The following PDE4D variants were observed in gnomAD, a reference collection of about 807,000 sequenced individuals.
PDE4D encodes the protein 3',5'-cyclic-AMP phosphodiesterase 4D.
In PDE4D, 24 loss-of-function variants were observed where a neutral mutation model predicts 87.4. That is an observed-to-expected ratio of 0.27 (90% confidence interval 0.20 to 0.39). The LOEUF (loss-of-function observed/expected upper bound fraction) is 0.39. Among genes scored for constraint, PDE4D ranks in the 10% least tolerant of loss-of-function variants. The probability of loss-of-function intolerance (pLI) is 1.00; values close to 1 mark genes in which losing one functional copy is unlikely to be tolerated. For missense variants in PDE4D, 714 were observed against 1,041.0 expected, an observed-to-expected ratio of 0.69 and a Z score of 4.32; for synonymous variants, 384 against 383.2, an observed-to-expected ratio of 1.00 and a Z score of -0.02.
intron 12 of PDE4D, 127 bp from the exon 13 acceptor site, chr5:58,976,599 T>A (rs1743858682): frequency 1.4e-6 from 1 of 736,086 alleles, no homozygotes; most frequent in East Asian, 2.7e-5. Context: ...TGGAAAATCC[T>A]TACTACTCCT....
At chr5:60,383,465 A>C (rs901267401) in intron 1 of PDE4D, among the ~76,000 whole-genome samples, 3 of 152,206 alleles carry the variant, frequency 2.0e-5, no homozygotes, top group African/African-American at 7.2e-5. Flanking sequence ...GGGAAAACAC[A>C]CTACAGCTAA....
At chr5:59,762,672 G>GTGTATATGTGTATATAGGTGCATATA (rs1762262330) in intron 1 of PDE4D, among the ~76,000 whole-genome samples, 1 of 148,112 alleles carries the variant, frequency 6.8e-6, no homozygotes, top group Admixed American at 6.8e-5. Flanking sequence ...AGGTACGTAT[G>GTGTATATGTGTATATAGGTGCATATA]TGTATATGTG....
chr5:59,104,320 G>A (rs968790572), intron 5 of PDE4D, among the ~76,000 whole-genome samples: 1 of 152,146 alleles, frequency 6.6e-6, no homozygotes, highest in Non-Finnish European at 1.5e-5. Flanking sequence ...AAAATCCAAG[G>A]CTAGAAAAGT....
chr5:60,134,083 T>C (rs1779822620), intron 2 of PDE4D, among the ~76,000 whole-genome samples: 1 of 152,366 alleles, frequency 6.6e-6, no homozygotes, highest in Non-Finnish European at 1.5e-5. Flanking sequence ...ATCTTATGAT[T>C]TAATACATTA....
intron 1 of PDE4D, among the ~76,000 whole-genome samples, chr5:59,429,740 G>A (rs995850842): frequency 3.9e-5 from 6 of 152,156 alleles, no homozygotes; most frequent in African/African-American, 1.4e-4. Flanking sequence ...CTATATCATC[G>A]CTATTCTGAT....
chr5:59,768,732 G>A (rs971044654), intron 1 of PDE4D: 1 of 1,105,002 alleles, frequency 9.0e-7, no homozygotes, highest in East Asian at 2.7e-5. Flanking sequence ...CCAAGCCCCT[G>A]CCAAAGATCA....
At chr5:59,247,883 T>C (rs965723010) in intron 1 of PDE4D, among the ~76,000 whole-genome samples, 1 of 151,724 alleles carries the variant, frequency 6.6e-6, no homozygotes, top group African/African-American at 2.4e-5. Flanking sequence ...TGTGCTTATC[T>C]TCCGTCCCTG....
At chr5:60,104,778 T>A (rs996350005) in intron 2 of PDE4D, among the ~76,000 whole-genome samples, 3 of 152,018 alleles carry the variant, frequency 2.0e-5, no homozygotes, top group Admixed American at 1.3e-4. Context: ...TCTAGCAAAC[T>A]CCAACAGACC....
chr5:60,456,362 G>A lies in PDE4D; in HGVS notation c.-90+31580C>T, dbSNP rs186183642. Among the ~76,000 whole-genome samples, 508 of 152,342 alleles carry A rather than the reference G, an allele frequency of 3.3e-3. 2 individuals are homozygous for A. The highest frequency in any genetic ancestry group is 5.1e-3 in the Non-Finnish European group (348 of 68,038). The stretch of plus-strand genomic sequence containing the variant: ...CAAGAGCCTCTTTCCCCAGGTTTAA[G>A]GGTGCTACTGTTAACATGGCATTTC... On this transcript the variant is annotated intron_variant, in intron 1 of 16. Transcript: ENST00000502484.
intron 3 of PDE4D, among the ~76,000 whole-genome samples, chr5:59,964,216 T>C (rs1178961976): frequency 4.6e-5 from 7 of 152,214 alleles, no homozygotes; most frequent in Non-Finnish European, 1.0e-4. Flanking sequence ...TCTGACCCAT[T>C]CTCTTCTTAA....
chr5:59,359,030 C>A (rs147842748), intron 1 of PDE4D, among the ~76,000 whole-genome samples: 57 of 152,136 alleles, frequency 3.7e-4, no homozygotes, highest in Admixed American at 3.7e-3. Flanking sequence ...TAATTAACTG[C>A]CTTTGCTTAC....
At chr5:59,861,400 A>G (rs1581469612) in intron 1 of PDE4D, among the ~76,000 whole-genome samples, 1 of 152,190 alleles carries the variant, frequency 6.6e-6, no homozygotes. Flanking sequence ...GCCAGTTAAT[A>G]GAGAAAAATG....
intron 1 of PDE4D, among the ~76,000 whole-genome samples, chr5:59,439,461 G>A (rs1797268829): frequency 6.6e-6 from 1 of 151,930 alleles, no homozygotes; most frequent in Non-Finnish European, 1.5e-5. Flanking sequence ...CCCTGGGGAA[G>A]AAATAACACC....
chr5:59,484,021 T>G (rs556074924), intron 1 of PDE4D, among the ~76,000 whole-genome samples: 1 of 152,204 alleles, frequency 6.6e-6, no homozygotes, highest in South Asian at 2.1e-4. Flanking sequence ...ACACAATTTA[T>G]TGTGACTTGG....
At chr5:59,161,229 G>A (rs973418200) in intron 5 of PDE4D, among the ~76,000 whole-genome samples, 1 of 152,122 alleles carries the variant, frequency 6.6e-6, no homozygotes, top group African/African-American at 2.4e-5. Flanking sequence ...TGCCTCAGGT[G>A]GTCCTGAAGA....
intron 1 of PDE4D, among the ~76,000 whole-genome samples, chr5:60,414,673 C>T (rs1742333131): frequency 6.6e-6 from 1 of 152,164 alleles, no homozygotes; most frequent in Non-Finnish European, 1.5e-5. Flanking sequence ...CTGGAGTAAA[C>T]CAATCCTAGC....
intron 2 of PDE4D, among the ~76,000 whole-genome samples, chr5:59,996,077 T>G (rs576596190): frequency 6.6e-6 from 1 of 152,352 alleles, no homozygotes; most frequent in East Asian, 1.9e-4. Flanking sequence ...TCAAACTGGT[T>G]GGGTCTCTCC....
chr5:59,465,022 C>T (rs535658049), intron 1 of PDE4D, among the ~76,000 whole-genome samples: 2 of 152,150 alleles, frequency 1.3e-5, no homozygotes, highest in African/African-American at 2.4e-5. Flanking sequence ...TCACACACAT[C>T]CATTAAGCTT....
chr5:60,385,316 G>A (rs777654758), intron 1 of PDE4D, among the ~76,000 whole-genome samples: 5 of 152,284 alleles, frequency 3.3e-5, no homozygotes, highest in African/African-American at 9.6e-5. Flanking sequence ...CAATGTCACC[G>A]GGAACCTCCA....
Sources: gnomAD v4.1 joint callset for allele counts (sites outside exome capture counted in the v4.1 genomes callset) on GRCh38, gnomAD v4.1.1 for gene constraint, MANE v1.5 for transcripts, NCBI Gene and HGNC (gene_info 2026-07-23, HGNC 2026-07-21) for gene names.